Variants in THADA observed in about 807,000 individuals in gnomAD.
The protein encoded by THADA is tRNA (32-2'-O)-methyltransferase regulator THADA.
A neutral mutation model predicts 219.8 loss-of-function variants in THADA; 213 were observed. That is an observed-to-expected ratio of 0.97 (90% CI 0.87 to 1.09). The LOEUF (loss-of-function observed/expected upper bound fraction) is 1.09. Among genes scored for constraint, THADA ranks in the 50% least tolerant of loss-of-function variants. The pLI is 0.00. For missense variants in THADA, 2,956 were observed against 2,311.3 expected (o/e 1.28, Z -5.72); for synonymous variants, 1,018 against 828.9 (o/e 1.23, Z -3.92).
At chr2:43,512,561 G>A (rs576082902) in intron 22 of THADA, among the ~76,000 whole-genome samples, 1 of 152,304 alleles carries the variant, frequency 6.6e-6, no homozygotes, top group Non-Finnish European at 1.5e-5. Flanking sequence ...GGAGTGCAAT[G>A]GCGCGATCTT....
At chr2:43,510,164 A>G (rs935898224) in intron 22 of THADA, among the ~76,000 whole-genome samples, 2 of 152,204 alleles carry the variant, frequency 1.3e-5, no homozygotes, top group African/African-American at 4.8e-5. Flanking sequence ...ACATGGAACA[A>G]AGTTTCCATA....
chr2:43,336,256 C>A (rs554001737), intron 30 of THADA, among the ~76,000 whole-genome samples: 1 of 152,144 alleles, frequency 6.6e-6, no homozygotes, highest in South Asian at 2.1e-4. Context: ...GAAACCATGT[C>A]TCTCAAAAAA....
chr2:43,346,177 A>G (rs968922735), intron 29 of THADA, among the ~76,000 whole-genome samples: 1 of 152,180 alleles, frequency 6.6e-6, no homozygotes, highest in Admixed American at 6.5e-5. Flanking sequence ...GGGAGAAGAG[A>G]AGACAGGGGA....
At chr2:43,280,308 C>T (rs1558509929) in intron 35 of THADA, among the ~76,000 whole-genome samples, 2 of 152,032 alleles carry the variant, frequency 1.3e-5, no homozygotes, top group Admixed American at 6.6e-5. Flanking sequence ...GAAAGTGAAG[C>T]ATCAATCAAG....
intron 22 of THADA, among the ~76,000 whole-genome samples, chr2:43,512,822 C>T (rs1409986064): frequency 1.3e-5 from 2 of 152,184 alleles, no homozygotes; most frequent in African/African-American, 4.8e-5. Flanking sequence ...TTTAAACTAT[C>T]ATACTGGAAA....
At chr2:43,550,584 A>G (rs1279501111) in intron 19 of THADA, among the ~76,000 whole-genome samples, 1 of 152,216 alleles carries the variant, frequency 6.6e-6, no homozygotes, top group African/African-American at 2.4e-5. Context: ...AGAGGTAAAA[A>G]GACAGGCAGA....
At chr2:43,409,143 G>A (rs1675961520) in intron 28 of THADA, among the ~76,000 whole-genome samples, 1 of 152,154 alleles carries the variant, frequency 6.6e-6, no homozygotes, top group Admixed American at 6.5e-5. Flanking sequence ...CTAAAACAAT[G>A]ATTGGTGCTA....
chr2:43,325,645 G>A (rs1679235336), intron 30 of THADA, among the ~76,000 whole-genome samples: 1 of 151,970 alleles, frequency 6.6e-6, no homozygotes, highest in Non-Finnish European at 1.5e-5. Context: ...GAGGGAGAAA[G>A]GAGGAAAATA....
intron 29 of THADA, among the ~76,000 whole-genome samples, chr2:43,382,598 T>C (rs1672169427): frequency 6.6e-6 from 1 of 152,154 alleles, no homozygotes; most frequent in Non-Finnish European, 1.5e-5. Context: ...CAAAAGGCAT[T>C]AACAGTTATA....
chr2:43,307,812 G>A (rs1024398187), intron 31 of THADA, among the ~76,000 whole-genome samples: 6 of 152,150 alleles, frequency 3.9e-5, no homozygotes, highest in Admixed American at 6.5e-5. Flanking sequence ...TTATAAGCAC[G>A]CAAAGAAGTG....
At chr2:43,526,916 G>C (rs1054748300) in intron 22 of THADA, among the ~76,000 whole-genome samples, 2 of 148,466 alleles carry the variant, frequency 1.3e-5, no homozygotes, top group African/African-American at 5.0e-5. Context: ...TGTGTTTTGA[G>C]GGAAAAAAAA....
chr2:43,288,091 G>A (rs1674258208), intron 34 of THADA, among the ~76,000 whole-genome samples: 1 of 152,188 alleles, frequency 6.6e-6, no homozygotes, highest in African/African-American at 2.4e-5. Context: ...TCTGATTTAA[G>A]CCACAGTATT....
intron 22 of THADA, among the ~76,000 whole-genome samples, chr2:43,524,118 A>C (rs1378187299): frequency 6.6e-6 from 1 of 152,254 alleles, no homozygotes; most frequent in Non-Finnish European, 1.5e-5. Context: ...ACAGGCAAGC[A>C]ATGATGTTTT....
chr2:43,529,534 A>T (rs1693603079), intron 21 of THADA, among the ~76,000 whole-genome samples: 2 of 152,192 alleles, frequency 1.3e-5, no homozygotes, highest in South Asian at 4.1e-4. Flanking sequence ...TTTAAAGAAA[A>T]CAAAACGGAC....
chr2:43,393,368 G>A (rs955909669), intron 29 of THADA, among the ~76,000 whole-genome samples: 12 of 152,268 alleles, frequency 7.9e-5, no homozygotes, highest in African/African-American at 2.4e-4. Context: ...TCACATCAGA[G>A]GCAGCACATT....
At position 43,275,323 on chromosome 2, in the gene THADA, C is replaced by T. The variant is rs561256485; in HGVS notation, c.5296+4442G>A. On this transcript the variant is annotated intron_variant, in intron 36 of 37. Coordinates refer to ENST00000405975, the MANE Select transcript of THADA (RefSeq NM_022065.5). ...CCTGGCCAGAAACTGTTTTCTGAGC[C>T]TCACAAATGGAGACGGGAATGGGAG... Among the ~76,000 whole-genome samples, 11 of 152,256 alleles carry T rather than the reference C, an allele frequency of 7.2e-5. No individual in the cohort carries two copies. The South Asian group carries it at 2.3e-3, about 32-fold the overall frequency.
intron 28 of THADA, among the ~76,000 whole-genome samples, chr2:43,415,894 C>T (rs1573538475): frequency 1.0e-5 from 1 of 97,006 alleles, no homozygotes; most frequent in Non-Finnish European, 2.5e-5. Context: ...TCTCTCTAGT[C>T]AAGCTTTTCT....
intron 31 of THADA, among the ~76,000 whole-genome samples, chr2:43,297,604 T>A (rs1470259471): frequency 1.7e-5 from 1 of 57,944 alleles, no homozygotes; most frequent in Non-Finnish European, 3.1e-5. Flanking sequence ...GGTGGGGGGG[T>A]CAGCCCCCCG....
At chr2:43,287,146 G>A in intron 34 of THADA, 85 bp from the exon 35 acceptor site, 1 of 1,303,630 alleles carries the variant, frequency 7.7e-7, no homozygotes, top group African/African-American at 1.5e-5. Context: ...CACCAAACTG[G>A]GCCTGTAGAT....
Sources: allele counts gnomAD v4.1 joint callset (sites outside exome capture counted in the v4.1 genomes callset), GRCh38; gene constraint gnomAD v4.1.1; transcripts MANE v1.5; gene names NCBI Gene and HGNC (gene_info 2026-07-23, HGNC 2026-07-21).